Variants in ZNF266 observed in about 807,000 individuals in gnomAD.
ZNF266 encodes the protein zinc finger protein 266, also known as zinc finger protein 1.
Under a neutral mutation model 16.4 loss-of-function variants are expected in ZNF266, and 16 were observed. That is an observed-to-expected ratio of 0.98 (90% CI 0.66 to 1.48). ZNF266 has a LOEUF of 1.48. Among genes scored for constraint, ZNF266 ranks in the 40% most tolerant of loss-of-function variants. The pLI is 0.00. For missense variants in ZNF266, 738 were observed against 689.1 expected (o/e 1.07, Z -0.79); for synonymous variants, 262 against 237.9 (o/e 1.10, Z -0.93).
chr19:9,420,114 G>T lies in ZNF266; in HGVS notation c.-25C>A, dbSNP rs2069637397. 6.5e-6 allele frequency: 1 copy of T among 152,772 alleles called. No homozygotes were observed. Among genetic ancestry groups the T allele is most frequent in the Admixed American group, 6.5e-5 (1 of 15,274 alleles). 9.5% of individuals were successfully genotyped at this position (152,772 alleles called of 1,614,324 possible). On this transcript the variant is annotated 5_prime_UTR_variant, in exon 6 of 11. Transcript: ENST00000592904. Reference sequence around the variant, plus strand: ...TCCCACAGGGCTGATGGCTGAATGTGCTTCAAAGCACCTTTCCTTTACTCC... The same window carrying T: ...TCCCACAGGGCTGATGGCTGAATGTTCTTCAAAGCACCTTTCCTTTACTCC...
intron 9 of ZNF266, 118 bp downstream of exon 9, chr19:9,417,710 G>A (rs939270627): frequency 2.2e-5 from 17 of 765,300 alleles, no homozygotes; most frequent in South Asian, 7.5e-5. Context: ...ACTGTGCCAC[G>A]GCACTCCAGC....
In ZNF266 at chr19:9,433,190, T is replaced by C. The variant is rs144618980; in HGVS notation, c.-130+478A>G. Among the ~76,000 whole-genome samples, 28 of 152,350 alleles carry C rather than the reference T, an allele frequency of 1.8e-4. No homozygotes were observed. In the East Asian group the frequency reaches 2.3e-3, roughly 13 times the overall value. On this transcript the variant is annotated intron_variant, in intron 5 of 10. Coordinates refer to ENST00000592904, the MANE Select transcript of ZNF266 (RefSeq NM_001370374.1). The stretch of plus-strand genomic sequence containing the variant: ...GAGTGGCCCTACTGGAATTTGATTT[T>C]TTTTCCGTCATCGATGTTATAATTA...
rs148303070 is a variant in ZNF266, at chr19:9,415,152, G to A, written c.406-432C>T. Among the ~76,000 whole-genome samples, 523 of 152,266 alleles carry A rather than the reference G, an allele frequency of 3.4e-3. 3 individuals carry two copies. The highest frequency in any genetic ancestry group is 5.4e-3 in the Non-Finnish European group (368 of 68,030). ...TCTACTAAAAGTACAAAAACTAGCCGGGCATGGTGGCACGTGCCTGTACTC... is the reference window on the plus strand; with the variant it reads ...TCTACTAAAAGTACAAAAACTAGCCAGGCATGGTGGCACGTGCCTGTACTC... On this transcript the variant is annotated intron_variant, in intron 10 of 10. Coordinates refer to ENST00000592904, the MANE Select transcript of ZNF266 (RefSeq NM_001370374.1).
Position 9,413,862 on chromosome 19 carries a change from T to C in ZNF266, c.1264A>G (p.Lys422Glu), listed in dbSNP as rs771020293. Residue 422 changes from lysine to glutamate, a missense_variant, in exon 11 of 11, where the codon AAG (lysine) becomes GAG (glutamate). By Grantham distance (56) the Lys-to-Glu change is moderately conservative. Coordinates refer to ENST00000592904, the MANE Select transcript of ZNF266 (RefSeq NM_001370374.1). The stretch of plus-strand genomic sequence containing the variant: ...TGAGTGAAGGCTTTCCCACAATCCT[T>C]ACATTTATAGGGTTTTATTCCAGTG... ...IHTGIKPYKC[K>E]DCGKAFTQNS... is the part of the protein sequence containing the mutation. 1.2e-6 allele frequency: 2 copies of C among 1,614,092 alleles called. No homozygotes were observed. Among genetic ancestry groups the C allele is most frequent in the African/African-American group, 2.7e-5 (2 of 74,950 alleles).
In ZNF266 at chr19:9,413,706, G is replaced by T; in HGVS notation, c.1420C>A (p.Pro474Thr). Residue 474 changes from proline to threonine, a missense_variant, in exon 11 of 11, where the codon CCT becomes ACT. Physicochemically the swap from Pro to Thr is conservative, Grantham distance 38 (BLOSUM62 -1). Transcript: ENST00000592904. ...TTCCCACATTTGACACATTCAAAAG[G>T]CTTCTCTCCAGTGTGAGTTCTTGTA... ...EHTRTHTGEK[P>T]FECVKCGKAF... The T allele has an allele frequency of 6.2e-7, 1 of 1,614,148 alleles. No individual in the cohort carries two copies. The highest frequency in any genetic ancestry group is 8.5e-7 in the Non-Finnish European group (1 of 1,180,014).
At chr19:9,416,976 C>G (rs1444412511) in intron 9 of ZNF266, among the ~76,000 whole-genome samples, 1 of 152,006 alleles carries the variant, frequency 6.6e-6, no homozygotes, top group East Asian at 1.9e-4. Context: ...TGGCCCAAAA[C>G]AGGAACTTTT....
At chr19:9,428,455 T>A (rs548899858) in intron 5 of ZNF266, among the ~76,000 whole-genome samples, 1 of 152,194 alleles carries the variant, frequency 6.6e-6, no homozygotes, top group African/African-American at 2.4e-5. Context: ...ATTAACTAAG[T>A]GAACACTAAT....
chr19:9,431,281 C>A (rs1422321582), intron 5 of ZNF266, among the ~76,000 whole-genome samples: 1 of 152,150 alleles, frequency 6.6e-6, no homozygotes, highest in Non-Finnish European at 1.5e-5. Context: ...ACCACAAAAC[C>A]CTGGCCCAGT....
chr19:9,431,454 C>G (rs964603760), intron 5 of ZNF266, among the ~76,000 whole-genome samples: 22 of 152,278 alleles, frequency 1.4e-4, no homozygotes, highest in Admixed American at 6.5e-4. Context: ...GACCTGTACC[C>G]CAAAGGTTTG....
chr19:9,413,826 G>T lies in ZNF266; in HGVS notation c.1300C>A (p.Leu434Ile). 1 of 1,614,074 alleles carries T rather than the reference G, an allele frequency of 6.2e-7. No homozygotes were observed. Residue 434 changes from leucine to isoleucine, a missense_variant, in exon 11 of 11, where the codon CTT (leucine) becomes ATT (isoleucine). Transcript: ENST00000592904. ...CGKAFTQNSD[L>I]TKHARTHSGE... ...CTGTGAGTTCGTGCATGCTTAGTAA[G>T]GTCTGAGTTCTGAGTGAAGGCTTTC...
Position 9,412,980 on chromosome 19 carries a change from G to C in ZNF266, c.*295C>G, listed in dbSNP as rs985806091. On this transcript the variant is annotated 3_prime_UTR_variant, in exon 11 of 11. Transcript: ENST00000592904. ...AAATTGCAGGGTTTCTCTCCAATGT[G>C]AGTTCACATACACACATTAAGGTTT... 4 of 386,892 alleles carry C rather than the reference G, an allele frequency of 1.0e-5. No homozygotes were observed. Among genetic ancestry groups the C allele is most frequent in the Non-Finnish European group, 1.8e-5 (4 of 217,100 alleles). The allele number at this position is 386,892 out of a possible 1,614,324, so 24.0% of individuals were successfully genotyped here.
At chr19:9,416,574 T>C (rs7249517) in intron 9 of ZNF266, among the ~76,000 whole-genome samples, 91,182 of 149,654 alleles carry the variant, frequency 0.61, 28,324 homozygotes, top group African/African-American at 0.73. Flanking sequence ...ATGTTGGCCA[T>C]GCTGGTCTCG....
intron 10 of ZNF266, among the ~76,000 whole-genome samples, chr19:9,415,294 A>G (rs1244524032): frequency 6.6e-6 from 1 of 152,194 alleles, no homozygotes; most frequent in African/African-American, 2.4e-5. Flanking sequence ...GACTCTGTCT[A>G]AGAAAAAAAC....
Position 9,414,042 on chromosome 19 carries a change from G to C in ZNF266, c.1084C>G (p.Pro362Ala). The C allele has an allele frequency of 1.2e-6, 2 of 1,614,072 alleles. No individual in the cohort carries two copies. The highest frequency in any genetic ancestry group is 1.7e-6 in the Non-Finnish European group (2 of 1,180,010). ...ATCCCACATTCCTTGCATTCATAAG[G>C]CTTCTCACCCACATGGATTTTCATA... is the stretch of plus-strand genomic sequence containing the variant. ...QHMKIHVGEK[P>A]YECKECGIAF... The change falls in exon 11 of 11, where the codon CCT (proline) becomes GCT (alanine). Residue 362 changes from proline to alanine, a missense_variant. Transcript: ENST00000592904.
intron 9 of ZNF266, among the ~76,000 whole-genome samples, chr19:9,417,040 A>G (rs1171383145): frequency 6.6e-6 from 1 of 152,172 alleles, no homozygotes; most frequent in African/African-American, 2.4e-5. Context: ...ACAAAGCGTA[A>G]AAGTATGAGA....
intron 5 of ZNF266, among the ~76,000 whole-genome samples, chr19:9,430,938 G>A (rs1030759628): frequency 6.6e-6 from 1 of 152,142 alleles, no homozygotes; most frequent in African/African-American, 2.4e-5. Flanking sequence ...AGGACCTCAA[G>A]GGCAACCCTC....
intron 5 of ZNF266, among the ~76,000 whole-genome samples, chr19:9,424,298 T>C (rs2070398855): frequency 6.6e-6 from 1 of 151,662 alleles, no homozygotes; most frequent in Non-Finnish European, 1.5e-5. Context: ...AGGGAAACTG[T>C]GGCACTACTA....
intron 9 of ZNF266, among the ~76,000 whole-genome samples, chr19:9,416,968 G>A (rs1224382857): frequency 2.0e-5 from 3 of 152,024 alleles, no homozygotes; most frequent in South Asian, 2.1e-4. Context: ...ACCACACCTG[G>A]CCCAAAACAG....
chr19:9,414,221 G>A lies in ZNF266; in HGVS notation c.905C>T (p.Thr302Ile), dbSNP rs771409545. ...AYLNIHMGTH[T>I]GDNPYECKEC... ...CTTACACTCATAGGGATTGTCTCCA[G>A]TGTGGGTTCCCATGTGAATATTAAG... Residue 302 changes from threonine to isoleucine, a missense_variant, in exon 11 of 11, where the codon ACT (threonine) becomes ATT (isoleucine). Physicochemically the swap from Thr to Ile is moderately conservative, Grantham distance 89. Coordinates refer to ENST00000592904, the MANE Select transcript of ZNF266 (RefSeq NM_001370374.1). 2.5e-6 allele frequency: 4 copies of A among 1,614,226 alleles called. No individual in the cohort carries two copies. The highest frequency in any genetic ancestry group is 4.5e-5 in the East Asian group (2 of 44,882).
Sources: allele counts gnomAD v4.1 joint callset (sites outside exome capture counted in the v4.1 genomes callset), GRCh38; gene constraint gnomAD v4.1.1; transcripts MANE v1.5; gene names NCBI Gene and HGNC (gene_info 2026-07-23, HGNC 2026-07-21).